The following COLGALT2 variants were observed in gnomAD, a reference collection of about 807,000 sequenced individuals.
The protein encoded by COLGALT2 is collagen beta(1-O)galactosyltransferase 2.
A neutral mutation model predicts 73.4 loss-of-function variants in COLGALT2; 49 were observed. The ratio of observed to expected loss-of-function variants is 0.67; its 90% confidence interval spans 0.53 to 0.85. The LOEUF (loss-of-function observed/expected upper bound fraction) is 0.85, where lower values mean the gene tolerates loss of function less well. COLGALT2 is among the 40% of genes least tolerant of loss of function. The probability of loss-of-function intolerance (pLI) is 0.00; values close to 1 mark genes in which losing one functional copy is unlikely to be tolerated. For missense variants in COLGALT2, 722 were observed against 790.2 expected (o/e 0.91, Z 1.03); for synonymous variants, 295 against 307.6 (o/e 0.96, Z 0.43).
intron 1 of COLGALT2, among the ~76,000 whole-genome samples, chr1:184,005,747 G>C (rs1474299387): frequency 6.6e-6 from 1 of 152,132 alleles, no homozygotes; most frequent in African/African-American, 2.4e-5. Flanking sequence ...AGACACCTCA[G>C]CCCTGGTGCG....
At chr1:183,932,422 C>T (rs1669866728), downstream of COLGALT2, among the ~76,000 whole-genome samples, 1 of 151,994 alleles carries the variant, frequency 6.6e-6, no homozygotes, top group Non-Finnish European at 1.5e-5. Context: ...GCTGTTATTC[C>T]TGGGAAGCTT....
chr1:183,988,928 T>A (rs944221092), intron 1 of COLGALT2, among the ~76,000 whole-genome samples: 1 of 152,228 alleles, frequency 6.6e-6, no homozygotes, highest in African/African-American at 2.4e-5. Context: ...GAGAATCTAC[T>A]ATGTTCCAGG....
At chr1:183,983,317 C>A (rs78741553) in intron 1 of COLGALT2, among the ~76,000 whole-genome samples, 2,893 of 152,246 alleles carry the variant, frequency 0.019, 71 homozygotes, top group African/African-American at 0.055. Context: ...ACCGAGGAAG[C>A]CTGGTGGTCC....
At position 184,037,512 on chromosome 1, in the gene COLGALT2, G is replaced by A; in HGVS notation, c.-155C>T. On this transcript the variant is annotated 5_prime_UTR_variant, in exon 1 of 12. Coordinates refer to ENST00000361927, the MANE Select transcript of COLGALT2 (RefSeq NM_015101.4). ...GGCCGGCTCACACACTGGCCTCGGC[G>A]GCTGCGGTTCCCAGGACCCTCCCGC... The A allele has an allele frequency of 3.5e-6, 4 of 1,157,764 alleles. No individual in the cohort carries two copies. Among genetic ancestry groups the A allele is most frequent in the Middle Eastern group, 3.6e-4 (1 of 2,810 alleles). The allele number at this position is 1,157,764 out of a possible 1,614,324, so 71.7% of individuals were successfully genotyped here. A position where few individuals can be genotyped will look rare whatever the true frequency, so the allele number is the denominator to read the frequency against.
chr1:184,016,157 T>A (rs553403905), intron 1 of COLGALT2, among the ~76,000 whole-genome samples: 1 of 152,330 alleles, frequency 6.6e-6, no homozygotes, highest in South Asian at 2.1e-4. Context: ...TGATTTAGAA[T>A]TTTTCACTTT....
In COLGALT2 at chr1:183,937,599, C is replaced by G; in HGVS notation, c.*1162G>C. On this transcript the variant is annotated 3_prime_UTR_variant, in exon 12 of 12. Transcript: ENST00000361927. Reference sequence around the variant, plus strand: ...TTTGTTTCCAAATAGTTCAAATCCCCCCATCCACAGGCCTCCCCACAAGAG... The same window carrying G: ...TTTGTTTCCAAATAGTTCAAATCCCGCCATCCACAGGCCTCCCCACAAGAG... The G allele has an allele frequency of 1.0e-6, 1 of 985,336 alleles. No individual in the cohort carries two copies. Among genetic ancestry groups the G allele is most frequent in the Non-Finnish European group, 1.2e-6 (1 of 829,968 alleles). The allele number at this position is 985,336 out of a possible 1,614,324, so 61.0% of individuals were successfully genotyped here. A position where few individuals can be genotyped will look rare whatever the true frequency, so the allele number is the denominator to read the frequency against.
rs147251301 is a variant in COLGALT2, at chr1:183,980,744, TAC to T, written c.264-2226_264-2225del. Among the ~76,000 whole-genome samples the T allele has an allele frequency of 1.8e-4, 28 of 151,584 alleles. 1 individual carries two copies. Among genetic ancestry groups the T allele is most frequent in the Admixed American group, 1.6e-3 (24 of 15,222 alleles). On this transcript the variant is annotated intron_variant, in intron 1 of 11. Coordinates refer to ENST00000361927, the MANE Select transcript of COLGALT2 (RefSeq NM_015101.4). Reference sequence around the variant, plus strand: ...TTGATGTCTAAACCTTATAAAGATTTACACACACACACACACAGGCACACAAC... The same window carrying T: ...TTGATGTCTAAACCTTATAAAGATTTACACACACACACACAGGCACACAAC...
Position 183,938,727 on chromosome 1 carries a change from T to C in COLGALT2, c.*34A>G. The C allele has an allele frequency of 6.2e-7, 1 of 1,607,616 alleles. No homozygotes were observed. The highest frequency in any genetic ancestry group is 1.7e-4 in the Middle Eastern group (1 of 5,748). On this transcript the variant is annotated 3_prime_UTR_variant, in exon 12 of 12. Coordinates refer to ENST00000361927, the MANE Select transcript of COLGALT2 (RefSeq NM_015101.4). ...AGCCCTTTAGAAAAACCAGAGGATG[T>C]TGAACTGATGTGGGCCACACTCCCA...
rs146872877 is a variant in COLGALT2, at chr1:183,986,635, ATAT to A, written c.264-8118_264-8116del. On this transcript the variant is annotated intron_variant, in intron 1 of 11. Transcript: ENST00000361927. ...ATAAAATTAATAAACTTAATTAAAC[ATAT>A]TATAATTGAGCTATTTTTTATACTC... 5.2e-3 allele frequency among the ~76,000 whole-genome samples: 786 copies of A among 152,296 alleles called. 8 individuals are homozygous for A. The highest frequency in any genetic ancestry group is 0.018 in the African/African-American group (755 of 41,544).
chr1:183,945,784 T>C, intron 8 of COLGALT2: 4 of 573,734 alleles, frequency 7.0e-6, no homozygotes, highest in Non-Finnish European at 1.2e-5. Flanking sequence ...GTATCCCTCA[T>C]AGTGCCCAAC....
chr1:183,990,903 T>G (rs1671612737), intron 1 of COLGALT2, among the ~76,000 whole-genome samples: 1 of 152,240 alleles, frequency 6.6e-6, no homozygotes, highest in African/African-American at 2.4e-5. Flanking sequence ...TGCCCTCCTT[T>G]AAAAAATAAA....
chr1:184,033,221 A>G (rs1322159093), intron 1 of COLGALT2, among the ~76,000 whole-genome samples: 2 of 152,214 alleles, frequency 1.3e-5, no homozygotes, highest in African/African-American at 2.4e-5. Flanking sequence ...TTTCACTGTC[A>G]TGGTACTTGG....
In COLGALT2 at chr1:183,951,060, G is replaced by A. The variant is rs546506470; in HGVS notation, c.1083C>T (p.Arg361=). 3.1e-6 allele frequency: 5 copies of A among 1,613,978 alleles called. No homozygotes were observed. The highest frequency in any genetic ancestry group is 1.1e-5 in the South Asian group (1 of 91,064). Residue 361 remains arginine, a synonymous_variant, in exon 8 of 12, where the codon CGC becomes CGT. Coordinates refer to ENST00000361927, the MANE Select transcript of COLGALT2 (RefSeq NM_015101.4). ...CCTCAATCTCCTGTTCATACAGTGT[G>A]CGCAGCATCCGGTCCCGCCTGTCCT... ...RRKDRRDRML[R]TLYEQEIEVK... is the part of the protein sequence containing the mutation.
intron 10 of COLGALT2, 46 bp downstream of exon 10, chr1:183,944,149 AC>A: frequency 6.3e-7 from 1 of 1,576,456 alleles, no homozygotes; most frequent in Non-Finnish European, 8.6e-7. Context: ...ATTGGAAAGG[AC>A]TGAGTGCCTC....
intron 1 of COLGALT2, among the ~76,000 whole-genome samples, chr1:184,020,955 T>C (rs919319759): frequency 7.2e-5 from 11 of 152,052 alleles, no homozygotes; most frequent in South Asian, 2.1e-4. Flanking sequence ...TCTCATGGCA[T>C]GGGGGCTGGC....
chr1:183,948,155 G>A (rs1413915816), intron 8 of COLGALT2, among the ~76,000 whole-genome samples: 1 of 151,980 alleles, frequency 6.6e-6, no homozygotes, highest in Non-Finnish European at 1.5e-5. Flanking sequence ...TCTGCCAAAT[G>A]TTTAAAAATT....
intron 4 of COLGALT2, among the ~76,000 whole-genome samples, chr1:183,972,390 G>T (rs1351852967): frequency 6.6e-6 from 1 of 152,178 alleles, no homozygotes; most frequent in Non-Finnish European, 1.5e-5. Flanking sequence ...TTACAGGCAT[G>T]AGACACTGCT....
chr1:184,013,728 T>C (rs1648888579), intron 1 of COLGALT2, among the ~76,000 whole-genome samples: 1 of 149,608 alleles, frequency 6.7e-6, no homozygotes, highest in Non-Finnish European at 1.5e-5. Flanking sequence ...CCAGTGTGTA[T>C]AATGGATGAA....
chr1:184,007,293 C>T (rs1672111623), intron 1 of COLGALT2, among the ~76,000 whole-genome samples: 1 of 152,108 alleles, frequency 6.6e-6, no homozygotes, highest in Non-Finnish European at 1.5e-5. Flanking sequence ...AAATCTCAAT[C>T]CCTTTATTTC....
Sources: allele counts gnomAD v4.1 joint callset (sites outside exome capture counted in the v4.1 genomes callset), GRCh38; gene constraint gnomAD v4.1.1; transcripts MANE v1.5; gene names NCBI Gene and HGNC (gene_info 2026-07-23, HGNC 2026-07-21).